RGS18: variants seen among roughly 807,000 people sequenced by gnomAD.
RGS18 encodes the protein regulator of G protein signaling 18.
A neutral mutation model predicts 27.6 loss-of-function variants in RGS18; 22 were observed. The observed-to-expected ratio is 0.80, with a 90% CI of 0.57 to 1.14. The LOEUF is 1.14. RGS18 is among the 50% of genes most tolerant of loss of function. The pLI is 0.00. For missense variants in RGS18, 299 were observed against 269.6 expected (o/e 1.11, Z -0.76); for synonymous variants, 89 against 84.6 (o/e 1.05, Z -0.29).
rs748236144 is a variant in RGS18 at position 192,159,365 on chromosome 1, A to G, written c.221+44A>G. The G allele has an allele frequency of 8.5e-6, 11 of 1,293,668 alleles. No individual in the cohort carries two copies. The Admixed American group carries it at 1.1e-4, about 12-fold the overall frequency. 80.1% of individuals were successfully genotyped at this position (1,293,668 alleles called of 1,614,324 possible). On this transcript the variant is annotated intron_variant, in intron 2 of 4. Coordinates refer to ENST00000367460, the MANE Select transcript of RGS18 (RefSeq NM_130782.3). ...TTTTGAGGAAGATTTTGCTGATTCTATCATTAAAGATTTAAGAAAAATGCA... is the reference window on the plus strand; with the variant it reads ...TTTTGAGGAAGATTTTGCTGATTCTGTCATTAAAGATTTAAGAAAAATGCA...
Position 192,185,735 on chromosome 1 carries a change from C to T in RGS18, c.*1181C>T, listed in dbSNP as rs577071496. ...TTAGTTGAAATGTAAAATGTGAAAA[C>T]TTTAGATCATTTGTAGTAATAAATA... On this transcript the variant is annotated 3_prime_UTR_variant, in exon 5 of 5. Coordinates refer to ENST00000367460, the MANE Select transcript of RGS18 (RefSeq NM_130782.3). 3 of 151,594 alleles carry T rather than the reference C, an allele frequency of 2.0e-5. No homozygotes were observed. The South Asian group carries it at 6.2e-4, about 31-fold the overall frequency. The allele number at this position is 151,594 out of a possible 1,614,324, so 9.4% of individuals were successfully genotyped here. A position where few individuals can be genotyped will look rare whatever the true frequency, so the allele number is the denominator to read the frequency against.
chr1:192,159,408 T>C, intron 2 of RGS18, 87 bp downstream of exon 2: 1 of 834,748 alleles, frequency 1.2e-6, no homozygotes, highest in South Asian at 1.5e-5. Context: ...ATTTCTGATT[T>C]ATTGAAAATT....
chr1:192,177,004 G>C (rs567073516), intron 3 of RGS18, among the ~76,000 whole-genome samples: 12 of 151,732 alleles, frequency 7.9e-5, no homozygotes, highest in Admixed American at 3.9e-4. Context: ...GGCTCACATT[G>C]GCAAAACTCA....
Position 192,172,701 on chromosome 1 carries a change from C to T in RGS18, c.284-8591C>T, listed in dbSNP as rs141545034. ...TGCCTCTTCTACTTTTAAGGACTCG[C>T]GTGATTAGATTGGCTCTACCTGGAT... On this transcript the variant is annotated intron_variant, in intron 3 of 4. Transcript: ENST00000367460. 2.8e-3 allele frequency among the ~76,000 whole-genome samples: 420 copies of T among 151,570 alleles called. 4 individuals are homozygous for T. The highest frequency in any genetic ancestry group is 0.019 in the East Asian group (97 of 5,112).
intron 3 of RGS18, among the ~76,000 whole-genome samples, chr1:192,180,154 A>G (rs1281558307): frequency 6.6e-6 from 1 of 151,590 alleles, no homozygotes; most frequent in Non-Finnish European, 1.5e-5. Context: ...AAAGTCTGCC[A>G]CTTTTTTAGT....
At chr1:192,178,322 T>G (rs540318793) in intron 3 of RGS18, among the ~76,000 whole-genome samples, 1 of 151,774 alleles carries the variant, frequency 6.6e-6, no homozygotes, top group Non-Finnish European at 1.5e-5. Context: ...TTTTCACATG[T>G]TGGTTGGTAT....
intron 3 of RGS18, among the ~76,000 whole-genome samples, chr1:192,176,088 C>T (rs1311640373): frequency 6.6e-6 from 1 of 151,744 alleles, no homozygotes; most frequent in Non-Finnish European, 1.5e-5. Flanking sequence ...GCTAAAGTGT[C>T]AAAGAAGATC....
chr1:192,183,407 G>A lies in RGS18; in HGVS notation c.451-890G>A, dbSNP rs145473892. Among the ~76,000 whole-genome samples, 292 of 151,680 alleles carry A rather than the reference G, an allele frequency of 1.9e-3. 3 individuals carry two copies. The highest frequency in any genetic ancestry group is 6.6e-3 in the African/African-American group (273 of 41,470). ...ACATTAAAATCTCAAATATGCCCCAGCTCATTTTTTCCCATGACTCAAATA... is the reference window on the plus strand; with the variant it reads ...ACATTAAAATCTCAAATATGCCCCAACTCATTTTTTCCCATGACTCAAATA... On this transcript the variant is annotated intron_variant, in intron 4 of 4. Transcript: ENST00000367460.
chr1:192,184,612 G>C lies in RGS18; in HGVS notation c.*58G>C, dbSNP rs576797637. 1 of 1,465,426 alleles carries C rather than the reference G, an allele frequency of 6.8e-7. No individual in the cohort carries two copies. The highest frequency in any genetic ancestry group is 2.3e-5 in the East Asian group (1 of 43,362). The allele number at this position is 1,465,426 out of a possible 1,614,324, so 90.8% of individuals were successfully genotyped here. On this transcript the variant is annotated 3_prime_UTR_variant, in exon 5 of 5. Transcript: ENST00000367460. ...CTTATACATCTGCTTCTAACATATC[G>C]CATGTTTATGTTAAGATTTGGTCCC...
At chr1:192,167,842 G>T (rs1464981866) in intron 3 of RGS18, 2 of 152,152 alleles carry the variant, frequency 1.3e-5, no homozygotes, top group East Asian at 1.9e-4. Flanking sequence ...GCAAATCAGA[G>T]CTACAAAGCC....
At chr1:192,168,219 A>G (rs930522143) in intron 3 of RGS18, 1 of 152,220 alleles carries the variant, frequency 6.6e-6, no homozygotes, top group Non-Finnish European at 1.5e-5. Context: ...AGAAACAGGA[A>G]GTAACTAATG....
chr1:192,179,824 A>G (rs1356549677), intron 3 of RGS18, among the ~76,000 whole-genome samples: 1 of 151,604 alleles, frequency 6.6e-6, no homozygotes, highest in Non-Finnish European at 1.5e-5. Context: ...GGGGAGATGT[A>G]AATGTGGCTG....
chr1:192,176,829 A>G (rs1215111668), intron 3 of RGS18, among the ~76,000 whole-genome samples: 1 of 151,756 alleles, frequency 6.6e-6, no homozygotes, highest in African/African-American at 2.4e-5. Flanking sequence ...TGTTTCAATA[A>G]CTCATAGTGA....
chr1:192,166,601 A>T (rs1213102726), intron 3 of RGS18, among the ~76,000 whole-genome samples: 1 of 152,112 alleles, frequency 6.6e-6, no homozygotes, highest in Non-Finnish European at 1.5e-5. Flanking sequence ...AAATGGATAA[A>T]CTTAGTGACT....
At chr1:192,168,527 G>A (rs930595515) in intron 3 of RGS18, 14 of 152,296 alleles carry the variant, frequency 9.2e-5, no homozygotes, top group African/African-American at 3.4e-4. Context: ...ATATTTCAGA[G>A]CGCAGCAGAT....
intron 3 of RGS18, among the ~76,000 whole-genome samples, chr1:192,172,870 TATATATATATATAA>T (rs887708752): frequency 1.5e-5 from 2 of 134,668 alleles, no homozygotes; most frequent in Non-Finnish European, 3.2e-5. Context: ...TATGCATATA[TATATATATATATAA>T]ATATATATAT....
intron 3 of RGS18, among the ~76,000 whole-genome samples, chr1:192,173,321 T>C (rs541774169): frequency 8.1e-4 from 123 of 152,088 alleles, no homozygotes; most frequent in African/African-American, 2.8e-3. Flanking sequence ...TTAAAACATA[T>C]ACTTTGTGTA....
At chr1:192,169,970 G>A (rs1327599848) in intron 3 of RGS18, among the ~76,000 whole-genome samples, 3 of 152,168 alleles carry the variant, frequency 2.0e-5, no homozygotes, top group African/African-American at 7.2e-5. Flanking sequence ...GATTAAGTAA[G>A]TATAGGTGGT....
At chr1:192,174,009 T>C (rs1557937298) in intron 3 of RGS18, among the ~76,000 whole-genome samples, 1 of 151,784 alleles carries the variant, frequency 6.6e-6, no homozygotes, top group Non-Finnish European at 1.5e-5. Flanking sequence ...TTCCTGTTTT[T>C]TTTCTTTCTT....
Sources: gnomAD v4.1 joint callset for allele counts (sites outside exome capture counted in the v4.1 genomes callset) on GRCh38, gnomAD v4.1.1 for gene constraint, MANE v1.5 for transcripts, NCBI Gene and HGNC (gene_info 2026-07-23, HGNC 2026-07-21) for gene names.